The following PRMT8 variants were observed in gnomAD, a reference collection of about 807,000 sequenced individuals.
The protein encoded by PRMT8 is protein arginine methyltransferase 8, also known as protein arginine N-methyltransferase 8.
Under a neutral mutation model 47.1 loss-of-function variants are expected in PRMT8, and 7 were observed. The observed-to-expected ratio is 0.15, with a 90% CI of 0.08 to 0.28. PRMT8 has a LOEUF of 0.28. Among genes scored for constraint, PRMT8 ranks in the 10% least tolerant of loss-of-function variants. The pLI is 1.00. For synonymous variants in PRMT8, 188 were observed against 186.5 expected (o/e 1.01, Z -0.07); for missense variants, 237 against 505.4 (o/e 0.47, Z 5.09).
rs115947474 is a variant in PRMT8 at position 3,538,704 on chromosome 12, A to G, written c.76-1902A>G. The G allele has an allele frequency of 1.3e-3, 682 of 519,026 alleles. 3 individuals carry two copies. Among genetic ancestry groups the G allele is most frequent in the African/African-American group, 0.012 (631 of 52,084 alleles). The allele number at this position is 519,026 out of a possible 1,614,324, so 32.2% of individuals were successfully genotyped here. ...CATGCACGGAGCCTTCTTCAGCTTT[A>G]GAGGTGATTCTGCAGCCTGCACAGG... On this transcript the variant is annotated intron_variant, in intron 1 of 9. Coordinates refer to ENST00000382622, the MANE Select transcript of PRMT8 (RefSeq NM_019854.5). The surrounding 1 kb of genome is among the most constrained non-coding windows in gnomAD (Gnocchi z 4.6).
At position 3,580,648 on chromosome 12, in the gene PRMT8, G is replaced by A. The variant is rs1172290727; in HGVS notation, c.829-2410G>A. Among the ~76,000 whole-genome samples the A allele has an allele frequency of 5.9e-5, 9 of 152,122 alleles. No individual in the cohort carries two copies. The highest frequency in any genetic ancestry group is 9.7e-5 in the African/African-American group (4 of 41,424). ...CTGCCACTGAAGGCTTCAGTGTATC[G>A]GCCAGGGCAAGGGCGAAGGTGGTGA... On this transcript the variant is annotated intron_variant, in intron 7 of 9. Transcript: ENST00000382622. This position sits in a 1 kb window ranked among gnomAD's most constrained non-coding sequence, Gnocchi z 4.6.
intron 1 of PRMT8, among the ~76,000 whole-genome samples, chr12:3,440,785 G>T (rs1014718869): frequency 1.3e-5 from 2 of 152,100 alleles, no homozygotes; most frequent in African/African-American, 2.4e-5. Flanking sequence ...ATTATACCAG[G>T]ACAAGAAAAC....
chr12:3,410,308 C>T (rs920826952), intron 1 of PRMT8, among the ~76,000 whole-genome samples: 1 of 152,178 alleles, frequency 6.6e-6, no homozygotes, highest in African/African-American at 2.4e-5. Flanking sequence ...CTGGCAGTGA[C>T]CCACTGCCTG....
intron 1 of PRMT8, among the ~76,000 whole-genome samples, chr12:3,411,515 A>G (rs574274757): frequency 3.3e-5 from 5 of 151,994 alleles, no homozygotes; most frequent in Non-Finnish European, 5.9e-5. Flanking sequence ...ATGGGAAAAA[A>G]CCCCTGTATG....
chr12:3,445,037 G>T (rs1864843474), intron 1 of PRMT8, among the ~76,000 whole-genome samples: 1 of 152,258 alleles, frequency 6.6e-6, no homozygotes, highest in African/African-American at 2.4e-5. Flanking sequence ...GTAGGAAGGG[G>T]AGATTTTGAG....
chr12:3,478,413 C>T (rs576213242), intron 1 of PRMT8, among the ~76,000 whole-genome samples: 1 of 152,338 alleles, frequency 6.6e-6, no homozygotes, highest in African/African-American at 2.4e-5. Context: ...AGAACCTTGG[C>T]TTGGGCCCCT....
intron 1 of PRMT8, among the ~76,000 whole-genome samples, chr12:3,525,544 G>A (rs1003062098): frequency 2.0e-5 from 3 of 152,148 alleles, no homozygotes; most frequent in Non-Finnish European, 4.4e-5. Context: ...TATTCCTTGG[G>A]AAAATGGTCT....
rs542423729 is a variant in PRMT8, at chr12:3,461,610, A to G, written c.49-78996A>G. On this transcript the variant is annotated intron_variant, in intron 1 of 9. Transcript: ENST00000452611. The stretch of plus-strand genomic sequence containing the variant: ...CCTCATTGGATGGAACTGTGTCCTC[A>G]GCAGACACAAGCTCCTTCTTCTGAG... Among the ~76,000 whole-genome samples the G allele has an allele frequency of 3.3e-5, 5 of 152,364 alleles. No homozygotes were observed. The South Asian group carries it at 1.0e-3, about 32-fold the overall frequency.
At chr12:3,540,516 C>A in intron 1 of PRMT8, 90 bp from the exon 2 acceptor site, 1 of 879,132 alleles carries the variant, frequency 1.1e-6, no homozygotes, top group South Asian at 1.6e-5. Context: ...AGGCCGGGCT[C>A]AGGGAGGGGG....
intron 2 of PRMT8, among the ~76,000 whole-genome samples, chr12:3,542,316 C>G (rs1866246137): frequency 1.3e-5 from 2 of 152,178 alleles, no homozygotes; most frequent in African/African-American, 2.4e-5. Flanking sequence ...AGGGCCTGGA[C>G]AGCTGAGCCT....
Position 3,550,183 on chromosome 12 carries a change from G to A in PRMT8, c.417+92G>A, listed in dbSNP as rs1866391629. 1.3e-6 allele frequency: 2 copies of A among 1,533,508 alleles called. No individual in the cohort carries two copies. Among genetic ancestry groups the A allele is most frequent in the Non-Finnish European group, 1.8e-6 (2 of 1,126,666 alleles). The allele number at this position is 1,533,508 out of a possible 1,614,324, so 95.0% of individuals were successfully genotyped here. Reference sequence around the variant, plus strand: ...CCGCCCTTCTAGAAGTACAAAATTTGGTCCATCTCTTTTGCTGGGGTCACA... The same window carrying A: ...CCGCCCTTCTAGAAGTACAAAATTTAGTCCATCTCTTTTGCTGGGGTCACA... On this transcript the variant is annotated intron_variant, in intron 3 of 9. Transcript: ENST00000382622. The surrounding 1 kb of genome is among the most constrained non-coding windows in gnomAD (Gnocchi z 5.1).
intron 1 of PRMT8, among the ~76,000 whole-genome samples, chr12:3,385,575 T>TC (rs1268684991): frequency 4.4e-5 from 1 of 22,636 alleles, no homozygotes; most frequent in Non-Finnish European, 3.3e-4. Flanking sequence ...CCTTATTAGA[T>TC]CAACACTTTA....
At chr12:3,578,583 C>T (rs1348277260) in intron 7 of PRMT8, among the ~76,000 whole-genome samples, 1 of 152,144 alleles carries the variant, frequency 6.6e-6, no homozygotes, top group African/African-American at 2.4e-5. Context: ...AACATGCCGG[C>T]CTACTGTGCT....
intron 1 of PRMT8, among the ~76,000 whole-genome samples, chr12:3,467,426 AC>A (rs1865112067): frequency 6.6e-6 from 1 of 152,044 alleles, no homozygotes; most frequent in Non-Finnish European, 1.5e-5. Context: ...GTCAGAGGCC[AC>A]AGGCTGATTG....
At chr12:3,416,247 ACAT>A (rs1355833157) in intron 1 of PRMT8, among the ~76,000 whole-genome samples, 2 of 152,118 alleles carry the variant, frequency 1.3e-5, no homozygotes, top group African/African-American at 4.8e-5. Context: ...GTCTTTGCTG[ACAT>A]CATCCCCTAT....
chr12:3,399,192 G>A (rs1864293467), intron 1 of PRMT8, among the ~76,000 whole-genome samples: 1 of 152,178 alleles, frequency 6.6e-6, no homozygotes, highest in Non-Finnish European at 1.5e-5. Context: ...TCAACCTAGG[G>A]TTATGGTTAC....
chr12:3,476,149 C>A (rs542606619), intron 1 of PRMT8, among the ~76,000 whole-genome samples: 1 of 152,224 alleles, frequency 6.6e-6, no homozygotes, highest in African/African-American at 2.4e-5. Context: ...ACTTTCTAGC[C>A]CTACTGGGAA....
intron 1 of PRMT8, among the ~76,000 whole-genome samples, chr12:3,496,221 T>A (rs1453609187): frequency 0.037 from 4,081 of 111,696 alleles, 493 homozygotes; most frequent in African/African-American, 0.13. Context: ...TATATTTTTT[T>A]TTTTTTTTTT....
chr12:3,558,100 T>C (rs1465771472), intron 4 of PRMT8, among the ~76,000 whole-genome samples: 1 of 151,992 alleles, frequency 6.6e-6, no homozygotes, highest in Non-Finnish European at 1.5e-5. Context: ...CAGCCATTCA[T>C]AGCAGAGTGT....
Sources: allele counts gnomAD v4.1 joint callset (sites outside exome capture counted in the v4.1 genomes callset), GRCh38; gene constraint gnomAD v4.1.1; non-coding constraint Gnocchi (gnomAD v3.1); transcripts MANE v1.5; gene names NCBI Gene and HGNC (gene_info 2026-07-23, HGNC 2026-07-21).